The following DYNC1LI1 variants were observed in gnomAD, a reference collection of about 807,000 sequenced individuals.
DYNC1LI1 encodes cytoplasmic dynein 1 light intermediate chain 1.
DYNC1LI1 carries 19 observed loss-of-function variants against 63.8 expected under a neutral mutation model. That is an observed-to-expected ratio of 0.30 (90% CI 0.21 to 0.44). The LOEUF (loss-of-function observed/expected upper bound fraction) is 0.44, where lower values mean the gene tolerates loss of function less well. Among genes scored for constraint, DYNC1LI1 ranks in the 20% least tolerant of loss-of-function variants. The pLI is 1.00. For synonymous variants in DYNC1LI1, 225 were observed against 232.3 expected (o/e 0.97, Z 0.28); for missense variants, 565 against 630.2 (o/e 0.90, Z 1.11).
intron 2 of DYNC1LI1, among the ~76,000 whole-genome samples, chr3:32,568,984 T>C (rs1248585951): frequency 6.6e-6 from 1 of 152,238 alleles, no homozygotes; most frequent in East Asian, 1.9e-4. Context: ...AATTCAATTT[T>C]TTAAAAAGTT....
chr3:32,563,993 A>G (rs1396725719), intron 2 of DYNC1LI1, among the ~76,000 whole-genome samples: 2 of 152,188 alleles, frequency 1.3e-5, no homozygotes, highest in Non-Finnish European at 2.9e-5. Context: ...TTACTGATAA[A>G]ACTGACGCCA....
intron 2 of DYNC1LI1, 104 bp downstream of exon 2, chr3:32,570,242 T>C (rs771141777): frequency 1.1e-6 from 1 of 940,426 alleles, no homozygotes; most frequent in Non-Finnish European, 1.7e-6. Context: ...GGGGCGGGGC[T>C]GGGCCGGCTG....
chr3:32,536,554 T>C (rs1697775988), intron 6 of DYNC1LI1, among the ~76,000 whole-genome samples: 1 of 152,186 alleles, frequency 6.6e-6, no homozygotes, highest in Admixed American at 6.5e-5. Flanking sequence ...TTTGGAATAC[T>C]CCAATCCAAT....
At chr3:32,561,002 C>CAAA (rs59037467) in intron 2 of DYNC1LI1, among the ~76,000 whole-genome samples, 389 of 26,072 alleles carry the variant, frequency 0.015, 30 homozygotes, top group Non-Finnish European at 0.019. Context: ...AACTCCGTCT[C>CAAA]AAAAAAAAAA....
intron 2 of DYNC1LI1, among the ~76,000 whole-genome samples, chr3:32,554,380 T>C (rs773129424): frequency 2.6e-5 from 4 of 152,214 alleles, no homozygotes; most frequent in African/African-American, 4.8e-5. Flanking sequence ...ATGTTAAACA[T>C]AGTAGTTTCA....
chr3:32,568,509 T>G (rs1698298757), intron 2 of DYNC1LI1, among the ~76,000 whole-genome samples: 1 of 152,120 alleles, frequency 6.6e-6, no homozygotes, highest in African/African-American at 2.4e-5. Flanking sequence ...ACTATTAAGT[T>G]CATAAAAAAG....
intron 2 of DYNC1LI1, among the ~76,000 whole-genome samples, chr3:32,549,712 A>G (rs1698006245): frequency 6.6e-6 from 1 of 152,180 alleles, no homozygotes; most frequent in African/African-American, 2.4e-5. Context: ...CCCACTTTAA[A>G]TGTTAGAAAA....
In DYNC1LI1 at chr3:32,570,758, C is replaced by G. The variant is rs1311175737; in HGVS notation, c.13G>C (p.Gly5Arg). The G allele has an allele frequency of 6.2e-7, 1 of 1,601,562 alleles. No individual in the cohort carries two copies. The highest frequency in any genetic ancestry group is 1.4e-5 in the African/African-American group (1 of 73,394). ...GAAGAACCGAAGGAGCCGACTCGCC[C>G]CACGGCCGCCATCTTGGTCGGGAAT... MAAV[G>R]RVGSFGSSPP... The change falls in exon 1 of 13, where the codon GGG becomes CGG. Residue 5 changes from glycine (G) to arginine (R), a missense_variant. By Grantham distance (125) the Gly-to-Arg change is moderately radical. Transcript: ENST00000273130.
chr3:32,545,640 C>T (rs929406220), intron 3 of DYNC1LI1: 4 of 544,518 alleles, frequency 7.3e-6, no homozygotes, highest in African/African-American at 1.9e-5. Flanking sequence ...TATCTGCACA[C>T]CAGGATACCT....
At chr3:32,565,649 A>G (rs990640030) in intron 2 of DYNC1LI1, among the ~76,000 whole-genome samples, 2 of 152,134 alleles carry the variant, frequency 1.3e-5, no homozygotes, top group African/African-American at 4.8e-5. Context: ...TTCACTCGTC[A>G]CCCAGGCTGG....
intron 10 of DYNC1LI1, 37 bp downstream of exon 10, chr3:32,530,247 G>T: frequency 1.9e-6 from 3 of 1,541,566 alleles, no homozygotes; most frequent in Non-Finnish European, 2.6e-6. Context: ...AATATGTACT[G>T]CATTTTAATC....
chr3:32,533,215 G>A (rs906050959), intron 7 of DYNC1LI1, 118 bp from the exon 8 acceptor site: 55 of 1,366,584 alleles, frequency 4.0e-5, no homozygotes, highest in Middle Eastern at 5.3e-4. Context: ...TATGGAAAAC[G>A]AATTAGCTTT....
At chr3:32,530,584 T>TTCTCTAGATTGGAC (rs1697682989) in intron 8 of DYNC1LI1, 64 bp from the exon 9 acceptor site, 8 of 1,362,194 alleles carry the variant, frequency 5.9e-6, no homozygotes, top group Non-Finnish European at 8.3e-6. Flanking sequence ...TAATAATTTA[T>TTCTCTAGATTGGAC]TCTCTAGATT....
At chr3:32,563,060 GTC>G (rs2125445815) in intron 2 of DYNC1LI1, among the ~76,000 whole-genome samples, 1 of 152,026 alleles carries the variant, frequency 6.6e-6, no homozygotes, top group Non-Finnish European at 1.5e-5. Flanking sequence ...ACTACTTTGA[GTC>G]TCTTCCCCAC....
intron 11 of DYNC1LI1, 67 bp from the exon 12 acceptor site, chr3:32,528,668 C>G (rs60604681): frequency 7.0e-7 from 1 of 1,434,176 alleles, no homozygotes; most frequent in Non-Finnish European, 9.4e-7. Flanking sequence ...ATTATTATTA[C>G]AGTAATCACA....
chr3:32,546,995 A>C (rs1341188637), intron 2 of DYNC1LI1, among the ~76,000 whole-genome samples: 1 of 152,228 alleles, frequency 6.6e-6, no homozygotes, highest in Non-Finnish European at 1.5e-5. Context: ...CTGTAATCCT[A>C]GCACTTTGGG....
At position 32,570,335 on chromosome 3, in the gene DYNC1LI1, G is replaced by T; in HGVS notation, c.220+11C>A. On this transcript the variant is annotated intron_variant, in intron 2 of 12. Coordinates refer to ENST00000273130, the MANE Select transcript of DYNC1LI1 (RefSeq NM_016141.4). ...GGCCGGGCGGGGCGGGGCGAGGCAGGGAACACTTACCCAGCAGTAGCACGT... is the reference window on the plus strand; with the variant it reads ...GGCCGGGCGGGGCGGGGCGAGGCAGTGAACACTTACCCAGCAGTAGCACGT... 1 of 1,592,022 alleles carries T rather than the reference G, an allele frequency of 6.3e-7. No individual in the cohort carries two copies. The highest frequency in any genetic ancestry group is 2.3e-5 in the East Asian group (1 of 43,904).
In DYNC1LI1 at chr3:32,565,222, A is replaced by G. The variant is rs528363276; in HGVS notation, c.220+5124T>C. Among the ~76,000 whole-genome samples, 48 of 152,368 alleles carry G rather than the reference A, an allele frequency of 3.2e-4. 1 individual carries two copies. The South Asian group carries it at 9.9e-3, about 32-fold the overall frequency. On this transcript the variant is annotated intron_variant, in intron 2 of 12. Transcript: ENST00000273130. ...TCACAAGATTAAAATAAGAAAATTT[A>G]TAAAATGTCAGATCAAATAAGGCTT...
rs1559436370 is a variant in DYNC1LI1 at position 32,537,984 on chromosome 3, T to TTATATATATAATTTATATATATA, written c.739-881_739-880insTATATATATAAATTATATATATA. On this transcript the variant is annotated intron_variant, in intron 5 of 12. Transcript: ENST00000273130. ...ATAATATATATATATTTATATATAATATATATATATAATTTATATATATAA... is the reference window on the plus strand; with the variant it reads ...ATAATATATATATATTTATATATAATTATATATATAATTTATATATATAATATATATATAATTTATATATATAA... Among the ~76,000 whole-genome samples, 3 of 23,584 alleles carry TTATATATATAATTTATATATATA rather than the reference T, an allele frequency of 1.3e-4. 1 individual carries two copies. Among genetic ancestry groups the TTATATATATAATTTATATATATA allele is most frequent in the African/African-American group, 5.5e-4 (2 of 3,658 alleles). The allele number at this position is 23,584 out of a possible 152,430, so 15.5% of individuals were successfully genotyped here. A position where few individuals can be genotyped will look rare whatever the true frequency, so the allele number is the denominator to read the frequency against.
Sources: gnomAD v4.1 joint callset for allele counts (sites outside exome capture counted in the v4.1 genomes callset) on GRCh38, gnomAD v4.1.1 for gene constraint, MANE v1.5 for transcripts, NCBI Gene and HGNC (gene_info 2026-07-23, HGNC 2026-07-21) for gene names.